Variants in DDX10 observed in about 807,000 individuals in gnomAD.
The protein encoded by DDX10 is probable ATP-dependent RNA helicase DDX10.
Under a neutral mutation model 104.3 loss-of-function variants are expected in DDX10, and 74 were observed. The observed-to-expected ratio is 0.71, with a 90% CI of 0.59 to 0.86. DDX10 has a LOEUF of 0.86. Among genes scored for constraint, DDX10 ranks in the 40% least tolerant of loss-of-function variants. The probability of loss-of-function intolerance (pLI) is 0.00; values close to 1 mark genes in which losing one functional copy is unlikely to be tolerated. For missense variants in DDX10, 952 were observed against 1,040.0 expected, an observed-to-expected ratio of 0.92 and a Z score of 1.16; for synonymous variants, 351 against 353.4, an observed-to-expected ratio of 0.99 and a Z score of 0.08.
intron 7 of DDX10, among the ~76,000 whole-genome samples, chr11:108,691,127 T>G (rs1426138271): frequency 1.3e-5 from 2 of 152,240 alleles, no homozygotes; most frequent in Non-Finnish European, 2.9e-5. Flanking sequence ...GCAATTCACT[T>G]GGTTTCCCAT....
intron 5 of DDX10, 59 bp from the exon 6 acceptor site, chr11:108,679,312 G>A: frequency 3.6e-6 from 5 of 1,379,974 alleles, no homozygotes; most frequent in Non-Finnish European, 2.0e-6. Flanking sequence ...GATACCCATT[G>A]CATTTAGCCT....
intron 17 of DDX10, among the ~76,000 whole-genome samples, chr11:108,932,464 T>C (rs1462658159): frequency 6.6e-6 from 1 of 151,930 alleles, no homozygotes; most frequent in African/African-American, 2.4e-5. Context: ...TAAAAAGAAA[T>C]AATAATAAAA....
At chr11:108,887,835 G>T (rs974723846) in intron 16 of DDX10, among the ~76,000 whole-genome samples, 1 of 152,042 alleles carries the variant, frequency 6.6e-6, no homozygotes, top group East Asian at 1.9e-4. Context: ...CAGGAAAATC[G>T]CTTAAACCTG....
intron 16 of DDX10, among the ~76,000 whole-genome samples, chr11:108,902,959 G>T (rs1863537644): frequency 6.6e-6 from 1 of 151,800 alleles, no homozygotes; most frequent in Admixed American, 6.6e-5. Context: ...TAAAATTAAA[G>T]ATTGCTTTGG....
At chr11:108,934,715 G>A (rs534887376) in intron 17 of DDX10, among the ~76,000 whole-genome samples, 3 of 152,334 alleles carry the variant, frequency 2.0e-5, no homozygotes, top group Non-Finnish European at 2.9e-5. Flanking sequence ...TTGACAGGGC[G>A]TTAACTCAGC....
At chr11:108,884,821 C>T (rs1431049223) in intron 16 of DDX10, among the ~76,000 whole-genome samples, 1 of 152,200 alleles carries the variant, frequency 6.6e-6, no homozygotes. Context: ...GTTATGATCT[C>T]TTCAGAGCTG....
chr11:108,878,671 G>A (rs1220871152), intron 16 of DDX10, among the ~76,000 whole-genome samples: 2 of 152,070 alleles, frequency 1.3e-5, no homozygotes, highest in Non-Finnish European at 2.9e-5. Flanking sequence ...CTATATTAAA[G>A]ACTTCTTAGA....
intron 16 of DDX10, among the ~76,000 whole-genome samples, chr11:108,894,768 A>G (rs1211640187): frequency 1.3e-5 from 2 of 152,052 alleles, no homozygotes; most frequent in Non-Finnish European, 2.9e-5. Flanking sequence ...GTAAAGGACA[A>G]CTATGTGACT....
chr11:108,728,577 T>C (rs1360619146), intron 13 of DDX10, among the ~76,000 whole-genome samples: 5 of 146,286 alleles, frequency 3.4e-5, no homozygotes, highest in Non-Finnish European at 1.5e-5. Context: ...GGCAGTGGCA[T>C]GATTGTGGCT....
At chr11:108,760,579 T>C (rs1208422277) in intron 13 of DDX10, among the ~76,000 whole-genome samples, 2 of 152,096 alleles carry the variant, frequency 1.3e-5, no homozygotes, top group Non-Finnish European at 2.9e-5. Flanking sequence ...AATAATTTCC[T>C]TTAAATGTAT....
At chr11:108,870,049 C>T (rs1863059114) in intron 16 of DDX10, among the ~76,000 whole-genome samples, 1 of 151,990 alleles carries the variant, frequency 6.6e-6, no homozygotes, top group Non-Finnish European at 1.5e-5. Context: ...GAGAAATGGA[C>T]TATAAAATTA....
In DDX10 at chr11:108,808,473, A is replaced by G. The variant is rs142555009; in HGVS notation, c.1966-29973A>G. ...TAGTTTGGGCTACCAGATCAGAGCA[A>G]TTTTAAGTACCATAAAGATGTTGGC... On this transcript the variant is annotated intron_variant, in intron 13 of 17. Transcript: ENST00000322536. 9.5e-4 allele frequency among the ~76,000 whole-genome samples: 145 copies of G among 152,256 alleles called. No homozygotes were observed. In the South Asian group the frequency reaches 0.011, roughly 11 times the overall value.
In DDX10 at chr11:108,934,056, G is replaced by A. The variant is rs1164525445; in HGVS notation, c.2451-6190G>A. Among the ~76,000 whole-genome samples the A allele has an allele frequency of 2.6e-5, 4 of 152,198 alleles. No homozygotes were observed. The South Asian group carries it at 6.2e-4, about 24-fold the overall frequency. On this transcript the variant is annotated intron_variant, in intron 17 of 17. Transcript: ENST00000322536. ...TCAGATGGTGTGATAGAGATGGTGC[G>A]ATGGAAGTGTGCACAATGTGAGGGT... is the stretch of plus-strand genomic sequence containing the variant.
intron 13 of DDX10, among the ~76,000 whole-genome samples, chr11:108,808,356 T>TG (rs1023931930): frequency 6.7e-6 from 1 of 148,396 alleles, no homozygotes. Flanking sequence ...TTTTTGGGGG[T>TG]GGGGGGAAAT....
chr11:108,831,441 A>AG (rs1214539210), intron 13 of DDX10, among the ~76,000 whole-genome samples: 12 of 151,106 alleles, frequency 7.9e-5, no homozygotes, highest in Admixed American at 3.3e-4. Context: ...AAAAAAAAAA[A>AG]AAAAGAAATG....
At chr11:108,755,191 C>A (rs770066969) in intron 13 of DDX10, among the ~76,000 whole-genome samples, 1 of 152,004 alleles carries the variant, frequency 6.6e-6, no homozygotes, top group Non-Finnish European at 1.5e-5. Context: ...AAAGAGAGAA[C>A]GTGCTCTTAA....
chr11:108,851,824 TCCAA>T (rs1204734236), intron 15 of DDX10, among the ~76,000 whole-genome samples: 1 of 152,184 alleles, frequency 6.6e-6, no homozygotes, highest in Non-Finnish European at 1.5e-5. Context: ...TTCTAGAAAT[TCCAA>T]GTAATCTCTA....
chr11:108,922,722 T>G (rs1863851392), intron 17 of DDX10, among the ~76,000 whole-genome samples: 1 of 152,266 alleles, frequency 6.6e-6, no homozygotes, highest in Non-Finnish European at 1.5e-5. Context: ...CTGATGTGGA[T>G]TCAACCCAGT....
intron 13 of DDX10, among the ~76,000 whole-genome samples, chr11:108,750,964 T>C (rs867529331): frequency 2.0e-5 from 2 of 100,902 alleles, no homozygotes; most frequent in African/African-American, 3.8e-5. Flanking sequence ...TTTTTTTTTT[T>C]AGAGATGGGC....
Sources: allele counts gnomAD v4.1 joint callset (sites outside exome capture counted in the v4.1 genomes callset), GRCh38; gene constraint gnomAD v4.1.1; transcripts MANE v1.5; gene names NCBI Gene and HGNC (gene_info 2026-07-23, HGNC 2026-07-21).